The following ATG2A variants were observed in gnomAD, a reference collection of about 807,000 sequenced individuals.
ATG2A encodes the protein autophagy-related protein 2 homolog A.
In ATG2A, 103 loss-of-function variants were observed where a neutral mutation model predicts 214.2. That is an observed-to-expected ratio of 0.48 (90% CI 0.41 to 0.57). The LOEUF (loss-of-function observed/expected upper bound fraction) is 0.57, where lower values mean the gene tolerates loss of function less well. Among genes scored for constraint, ATG2A ranks in the 20% least tolerant of loss-of-function variants. ATG2A has a pLI of 0.00. For synonymous variants in ATG2A, 1,160 were observed against 1,142.1 expected (o/e 1.02, Z -0.32); for missense variants, 2,312 against 2,613.2 (o/e 0.88, Z 2.51).
chr11:64,911,383 C>T, intron 9 of ATG2A, 108 bp from the exon 10 acceptor site: 1 of 1,132,126 alleles, frequency 8.8e-7, no homozygotes, highest in Non-Finnish European at 1.3e-6. Flanking sequence ...TCTGCCCCAC[C>T]ATGTGGCTCT....
chr11:64,913,760 C>T lies in ATG2A; in HGVS notation c.590+61G>A. ...AGGAACCTAGGCTGCGGGTGGGGACCATCCAGCAGCCCCCACTCCCCATCT... is the reference window on the plus strand; with the variant it reads ...AGGAACCTAGGCTGCGGGTGGGGACTATCCAGCAGCCCCCACTCCCCATCT... On this transcript the variant is annotated intron_variant, in intron 4 of 40. Coordinates refer to ENST00000377264, the MANE Select transcript of ATG2A (RefSeq NM_015104.3). This position sits in a 1 kb window ranked among gnomAD's most constrained non-coding sequence, Gnocchi z 4.3. The T allele has an allele frequency of 6.6e-7, 1 of 1,510,016 alleles. No individual in the cohort carries two copies. The highest frequency in any genetic ancestry group is 9.1e-7 in the Non-Finnish European group (1 of 1,095,946). 93.5% of individuals were successfully genotyped at this position (1,510,016 alleles called of 1,614,324 possible). A position where few individuals can be genotyped will look rare whatever the true frequency, so the allele number is the denominator to read the frequency against.
chr11:64,906,453 A>T lies in ATG2A; in HGVS notation c.3064T>A (p.Tyr1022Asn). The T allele has an allele frequency of 1.2e-6, 2 of 1,613,252 alleles. No homozygotes were observed. Among genetic ancestry groups the T allele is most frequent in the Non-Finnish European group, 1.7e-6 (2 of 1,179,972 alleles). ...APPAQLAPTIYPSEEGVTERG... is the reference protein window; with the variant it reads ...APPAQLAPTINPSEEGVTERG... ...TCGGTCACCCCTTCCTCCGATGGGT[A>T]GATGGTTGGGGCCAGCTGAGCCGGG... The change falls in exon 21 of 41, where the codon TAC (tyrosine) becomes AAC (asparagine). Residue 1022 changes from tyrosine (Y) to asparagine (N), a missense_variant. By Grantham distance (143) the Tyr-to-Asn change is moderately radical. Coordinates refer to ENST00000377264, the MANE Select transcript of ATG2A (RefSeq NM_015104.3).
rs1026687341 is a variant in ATG2A, at chr11:64,917,192, C to A, written c.-57G>T. The stretch of plus-strand genomic sequence containing the variant: ...CTTGCCGCCCGCCGGCGATCCCCGT[C>A]CGGCTCCGCTGTTCACTAGAGCCCC... On this transcript the variant is annotated 5_prime_UTR_variant, in exon 1 of 41. Coordinates refer to ENST00000377264, the MANE Select transcript of ATG2A (RefSeq NM_015104.3). The A allele has an allele frequency of 9.5e-5, 145 of 1,532,832 alleles. 3 individuals are homozygous for A. In the South Asian group the frequency reaches 1.7e-3, roughly 18 times the overall value. The allele number at this position is 1,532,832 out of a possible 1,614,324, so 95.0% of individuals were successfully genotyped here. A position where few individuals can be genotyped will look rare whatever the true frequency, so the allele number is the denominator to read the frequency against.
rs1475906401 is a variant in ATG2A, at chr11:64,907,246, T to C, written c.2832+9A>G. 1 of 1,492,992 alleles carries C rather than the reference T, an allele frequency of 6.7e-7. No homozygotes were observed. The highest frequency in any genetic ancestry group is 8.9e-7 in the Non-Finnish European group (1 of 1,119,508). 92.5% of individuals were successfully genotyped at this position (1,492,992 alleles called of 1,614,324 possible). A position where few individuals can be genotyped will look rare whatever the true frequency, so the allele number is the denominator to read the frequency against. ...AGTTTGGGGCCCGCCTGCCCGGGGCTGCACTCACCTTGGTCTCACAGAGGG... is the reference window on the plus strand; with the variant it reads ...AGTTTGGGGCCCGCCTGCCCGGGGCCGCACTCACCTTGGTCTCACAGAGGG... On this transcript the variant is annotated intron_variant, in intron 19 of 40. Coordinates refer to ENST00000377264, the MANE Select transcript of ATG2A (RefSeq NM_015104.3).
At chr11:64,906,017 TTCCTCCCACCGGCC>T in intron 22 of ATG2A, 82 bp downstream of exon 22, 3 of 1,451,080 alleles carry the variant, frequency 2.1e-6, no homozygotes, top group Non-Finnish European at 2.8e-6. Context: ...CCAGTCCATG[TTCCTCCCACCGGCC>T]TCCTCCCACC....
Position 64,907,454 on chromosome 11 carries a change from GCGAAGGGCTAGCCTGGCC to G in ATG2A, c.2648-33_2648-16del. The G allele has an allele frequency of 6.2e-7, 1 of 1,604,994 alleles. No homozygotes were observed. Among genetic ancestry groups the G allele is most frequent in the South Asian group, 1.1e-5 (1 of 89,618 alleles). On this transcript the variant is annotated splice_polypyrimidine_tract_variant and intron_variant, in intron 18 of 40. Coordinates refer to ENST00000377264, the MANE Select transcript of ATG2A (RefSeq NM_015104.3). Reference sequence around the variant, plus strand: ...AAAGCAGTTGGCTGGGAAGGAGACCGCGAAGGGCTAGCCTGGCCCTTCCCAGACCTGGGGGTCCTCCCT... The same window carrying G: ...AAAGCAGTTGGCTGGGAAGGAGACCGCTTCCCAGACCTGGGGGTCCTCCCT...
chr11:64,913,296 G>C lies in ATG2A; in HGVS notation c.696C>G (p.Val232=). The stretch of plus-strand genomic sequence containing the variant: ...CCGGGAGCTCCTCGTAGTGCAGGCG[G>C]ACCCCTGCCAGCTGCAGCAGCTTGT... The part of the protein sequence containing the change: ...FLHKLLQLAG[V]RLHYEELPAQ... The change falls in exon 5 of 41, where the codon GTC becomes GTG. Residue 232 remains valine, a synonymous_variant. Transcript: ENST00000377264. This position sits in a 1 kb window ranked among gnomAD's most constrained non-coding sequence, Gnocchi z 4.3. The C allele has an allele frequency of 6.2e-7, 1 of 1,610,568 alleles. No individual in the cohort carries two copies. The highest frequency in any genetic ancestry group is 8.5e-7 in the Non-Finnish European group (1 of 1,179,306).
chr11:64,916,915 G>A (rs779898070), intron 1 of ATG2A, 50 bp downstream of exon 1: 1 of 1,601,920 alleles, frequency 6.2e-7, no homozygotes, highest in East Asian at 2.2e-5. Flanking sequence ...GCCTCAGGTC[G>A]CTGCGCTCCC....
rs770295818 is a variant in ATG2A at position 64,913,232 on chromosome 11, G to A, written c.726+34C>T. The A allele has an allele frequency of 1.2e-6, 2 of 1,612,236 alleles. No individual in the cohort carries two copies. The highest frequency in any genetic ancestry group is 1.1e-5 in the South Asian group (1 of 90,790). ...GGGGCTCAATGGGCTCAAGGGAGAG[G>A]AGACAGGGGCTGTGGGAATCAGAGC... is the stretch of plus-strand genomic sequence containing the variant. On this transcript the variant is annotated intron_variant, in intron 5 of 40. Coordinates refer to ENST00000377264, the MANE Select transcript of ATG2A (RefSeq NM_015104.3). This position sits in a 1 kb window ranked among gnomAD's most constrained non-coding sequence, Gnocchi z 4.3.
Position 64,898,425 on chromosome 11 carries a change from G to A in ATG2A, c.4672-63C>T. 1 of 1,456,398 alleles carries A rather than the reference G, an allele frequency of 6.9e-7. No individual in the cohort carries two copies. The highest frequency in any genetic ancestry group is 9.3e-7 in the Non-Finnish European group (1 of 1,079,312). 90.2% of individuals were successfully genotyped at this position (1,456,398 alleles called of 1,614,324 possible). A position where few individuals can be genotyped will look rare whatever the true frequency, so the allele number is the denominator to read the frequency against. ...CTCTGGGGCAGCAGCTCACCCAGCT[G>A]TTCCCTGACAGCTCACCCAGCCACC... On this transcript the variant is annotated intron_variant, in intron 32 of 40. Coordinates refer to ENST00000377264, the MANE Select transcript of ATG2A (RefSeq NM_015104.3). This position sits in a 1 kb window ranked among gnomAD's most constrained non-coding sequence, Gnocchi z 4.5.
In ATG2A at chr11:64,913,428, C is replaced by T; in HGVS notation, c.591-27G>A. 1 of 1,540,240 alleles carries T rather than the reference C, an allele frequency of 6.5e-7. No individual in the cohort carries two copies. On this transcript the variant is annotated intron_variant, in intron 4 of 40. Transcript: ENST00000377264. This position sits in a 1 kb window ranked among gnomAD's most constrained non-coding sequence, Gnocchi z 4.3. ...TGGAGAGTGTAGGGTCAGCCCGTGC[C>T]CTGGCCACCCCAGGCCTGGAGCCCC...
chr11:64,907,005 C>T (rs78766859), intron 19 of ATG2A, among the ~76,000 whole-genome samples, 190 bp from the exon 20 acceptor site: 2,932 of 152,304 alleles, frequency 0.019, 90 homozygotes, highest in African/African-American at 0.065. Flanking sequence ...CGGGTCTGCC[C>T]GCTCGGAGTG....
rs1486230719 is a variant in ATG2A at position 64,903,618 on chromosome 11, A to G, written c.3507T>C (p.Cys1169=). ...DDSALYLSDK[C]EVETLDLRRD... is the part of the protein sequence containing the mutation. ...GCCGCAGGTCCAGGGTCTCCACCTC[A>G]CACTTGTCGGACAGGTACAAGGCGG... is the stretch of plus-strand genomic sequence containing the variant. The change falls in exon 25 of 41, where the codon TGT becomes TGC. Residue 1169 remains cysteine (C), a synonymous_variant. Coordinates refer to ENST00000377264, the MANE Select transcript of ATG2A (RefSeq NM_015104.3). This position sits in a 1 kb window ranked among gnomAD's most constrained non-coding sequence, Gnocchi z 4.2. 8 of 1,550,078 alleles carry G rather than the reference A, an allele frequency of 5.2e-6. No individual in the cohort carries two copies. The South Asian group carries it at 8.3e-5, about 16-fold the overall frequency.
chr11:64,909,033 G>T lies in ATG2A; in HGVS notation c.2322C>A (p.Pro774=). 1.9e-6 allele frequency: 3 copies of T among 1,611,582 alleles called. No homozygotes were observed. The highest frequency in any genetic ancestry group is 2.5e-6 in the Non-Finnish European group (3 of 1,179,264). Residue 774 remains proline (P), a synonymous_variant, in exon 16 of 41, where the codon CCC becomes CCA. Coordinates refer to ENST00000377264, the MANE Select transcript of ATG2A (RefSeq NM_015104.3). The part of the protein sequence containing the change: ...ESPCELREPE[P]SPFSSKRTMY... ...TGGTCCTCTTAGAGGAGAAGGGCGA[G>T]GGCTCAGGTTCCCGCAGCTCACAGG...
In ATG2A at chr11:64,913,349, C is replaced by G; in HGVS notation, c.643G>C (p.Asp215His). 1.2e-6 allele frequency: 2 copies of G among 1,602,364 alleles called. No homozygotes were observed. Among genetic ancestry groups the G allele is most frequent in the Non-Finnish European group, 1.7e-6 (2 of 1,175,818 alleles). The stretch of plus-strand genomic sequence containing the variant: ...AGGAAGGCAGGCGGCTGATGCACGT[C>G]CACCGGCGGCGCCTGGCTTGGGTCC... ...VRDPSQAPPV[D>H]VHQPPAFLHK... Residue 215 changes from aspartate (D) to histidine (H), a missense_variant, in exon 5 of 41, where the codon GAC (aspartate) becomes CAC (histidine). Coordinates refer to ENST00000377264, the MANE Select transcript of ATG2A (RefSeq NM_015104.3). The surrounding 1 kb of genome is among the most constrained non-coding windows in gnomAD (Gnocchi z 4.3).
Position 64,894,908 on chromosome 11 carries a change from C to A in ATG2A, c.*65G>T, listed in dbSNP as rs1014197530. On this transcript the variant is annotated 3_prime_UTR_variant, in exon 41 of 41. Coordinates refer to ENST00000377264, the MANE Select transcript of ATG2A (RefSeq NM_015104.3). ...GGCCAGGCCGGGCCGGGCCCGTGGGCTGCAGCTCTTGGGAGGCTCAGGAGC... is the reference window on the plus strand; with the variant it reads ...GGCCAGGCCGGGCCGGGCCCGTGGGATGCAGCTCTTGGGAGGCTCAGGAGC... 22 of 1,584,014 alleles carry A rather than the reference C, an allele frequency of 1.4e-5. No individual in the cohort carries two copies. Among genetic ancestry groups the A allele is most frequent in the Non-Finnish European group, 1.7e-6 (2 of 1,158,858 alleles).
rs377030739 is a variant in ATG2A, at chr11:64,897,619, A to G, written c.5067+52T>C. 34 of 1,610,932 alleles carry G rather than the reference A, an allele frequency of 2.1e-5. No homozygotes were observed. The South Asian group carries it at 3.6e-4, about 17-fold the overall frequency. On this transcript the variant is annotated intron_variant, in intron 36 of 40. Transcript: ENST00000377264. ...GATGCAAGACCTGGCCCCCAGAGGG[A>G]CTCAGCCACAGCTGACCCCACATGG...
Position 64,913,533 on chromosome 11 carries a change from G to T in ATG2A, c.591-132C>A, listed in dbSNP as rs535562335. 5.8e-6 allele frequency: 7 copies of T among 1,210,492 alleles called. No individual in the cohort carries two copies. Among genetic ancestry groups the T allele is most frequent in the Non-Finnish European group, 7.8e-6 (7 of 892,006 alleles). The allele number at this position is 1,210,492 out of a possible 1,614,324, so 75.0% of individuals were successfully genotyped here. ...AGAGCTGCCCCATCACACCTAGGCC[G>T]TCCTGAACCACCATGTCCAGCCCGG... On this transcript the variant is annotated intron_variant, in intron 4 of 40. Coordinates refer to ENST00000377264, the MANE Select transcript of ATG2A (RefSeq NM_015104.3). The surrounding 1 kb of genome is among the most constrained non-coding windows in gnomAD (Gnocchi z 4.3).
rs1471217439 is a variant in ATG2A at position 64,896,811 on chromosome 11, G to A, written c.5209C>T (p.Arg1737Cys). ...AGCAGGCCGGGCAGCTGGTTCTTGC[G>A]GATGTCCTGCAGCCACTCGTTGAGG... The part of the protein sequence containing the change: ...YALNEWLQDI[R>C]KNQLPGLLGG... The change falls in exon 38 of 41, where the codon CGC becomes TGC. Residue 1737 changes from arginine (R) to cysteine (C), a missense_variant. Physicochemically the swap from Arg to Cys is radical, Grantham distance 180. Transcript: ENST00000377264. The A allele has an allele frequency of 9.3e-6, 15 of 1,614,022 alleles. No homozygotes were observed. Among genetic ancestry groups the A allele is most frequent in the Middle Eastern group, 1.6e-4 (1 of 6,084 alleles).
Sources: allele counts gnomAD v4.1 joint callset (sites outside exome capture counted in the v4.1 genomes callset), GRCh38; gene constraint gnomAD v4.1.1; non-coding constraint Gnocchi (gnomAD v3.1); transcripts MANE v1.5; gene names NCBI Gene and HGNC (gene_info 2026-07-23, HGNC 2026-07-21).